Variants in PDZRN4 observed in about 807,000 individuals in gnomAD.
PDZRN4 encodes the protein PDZ domain-containing RING finger protein 4.
Under a neutral mutation model 99.0 loss-of-function variants are expected in PDZRN4, and 70 were observed. The ratio of observed to expected loss-of-function variants is 0.71; its 90% CI spans 0.58 to 0.86. The LOEUF (loss-of-function observed/expected upper bound fraction) is 0.86, where lower values mean the gene tolerates loss of function less well. Among genes scored for constraint, PDZRN4 ranks in the 40% least tolerant of loss-of-function variants. The probability of loss-of-function intolerance (pLI) is 0.00; values close to 1 mark genes in which losing one functional copy is unlikely to be tolerated. For missense variants in PDZRN4, 1,474 were observed against 1,331.2 expected (o/e 1.11, Z -1.67); for synonymous variants, 551 against 501.6 (o/e 1.10, Z -1.32).
chr12:41,413,744 CTA>C (rs1438920248), intron 3 of PDZRN4, among the ~76,000 whole-genome samples: 2 of 151,948 alleles, frequency 1.3e-5, no homozygotes, highest in African/African-American at 2.4e-5. Flanking sequence ...CAGCAGATAG[CTA>C]TGTCTTGTTT....
chr12:41,436,610 T>G (rs1952631659), intron 3 of PDZRN4, among the ~76,000 whole-genome samples: 1 of 152,208 alleles, frequency 6.6e-6, no homozygotes, highest in Non-Finnish European at 1.5e-5. Flanking sequence ...ACTTCTTAAT[T>G]AGCAGAGGGT....
chr12:41,561,609 C>CTATA (rs3075048), intron 7 of PDZRN4, among the ~76,000 whole-genome samples: 39 of 145,188 alleles, frequency 2.7e-4, no homozygotes, highest in African/African-American at 3.5e-4. Flanking sequence ...TATATAAAGA[C>CTATA]TATATATATA....
chr12:41,268,040 T>C (rs1951290478), intron 3 of PDZRN4, among the ~76,000 whole-genome samples: 2 of 152,190 alleles, frequency 1.3e-5, no homozygotes, highest in Non-Finnish European at 2.9e-5. Context: ...ATTCAACAAA[T>C]ATTTATTAAG....
chr12:41,231,001 A>T (rs1951025076), intron 3 of PDZRN4, among the ~76,000 whole-genome samples: 1 of 152,088 alleles, frequency 6.6e-6, no homozygotes, highest in African/African-American at 2.4e-5. Context: ...AATTCCCATC[A>T]CTTCCCCTGT....
chr12:41,293,048 T>C (rs753399243), intron 3 of PDZRN4, among the ~76,000 whole-genome samples: 4 of 151,070 alleles, frequency 2.6e-5, no homozygotes, highest in Non-Finnish European at 3.0e-5. Context: ...TCACTCTGGG[T>C]AGGCTGGAAG....
chr12:41,274,061 AC>A (rs1219020039), intron 3 of PDZRN4, among the ~76,000 whole-genome samples: 3 of 152,068 alleles, frequency 2.0e-5, no homozygotes, highest in African/African-American at 7.2e-5. Context: ...AGTTCATATA[AC>A]TTTTTAAGTA....
chr12:41,351,527 A>G (rs1951890296), intron 3 of PDZRN4, among the ~76,000 whole-genome samples: 1 of 152,146 alleles, frequency 6.6e-6, no homozygotes, highest in Middle Eastern at 3.4e-3. Flanking sequence ...GAAACTTATA[A>G]TCATGGTGGA....
chr12:41,537,284 T>C (rs1017190248), intron 5 of PDZRN4, among the ~76,000 whole-genome samples: 3 of 152,168 alleles, frequency 2.0e-5, no homozygotes, highest in Non-Finnish European at 4.4e-5. Flanking sequence ...AATGTGTGCA[T>C]TTATGTGGCA....
chr12:41,385,597 T>C lies in PDZRN4; in HGVS notation c.844-120859T>C, dbSNP rs145041082. ...ATAAATTAGTAAATTCCTGGGCACATACACCCTTCCAAGACTGAACAAGGA... is the reference window on the plus strand; with the variant it reads ...ATAAATTAGTAAATTCCTGGGCACACACACCCTTCCAAGACTGAACAAGGA... On this transcript the variant is annotated intron_variant, in intron 3 of 9. Transcript: ENST00000402685. 3.4e-3 allele frequency among the ~76,000 whole-genome samples: 521 copies of C among 152,208 alleles called. 2 individuals carry two copies. Among genetic ancestry groups the C allele is most frequent in the African/African-American group, 0.012 (485 of 41,542 alleles).
Position 41,399,607 on chromosome 12 carries a change from G to T in PDZRN4, c.844-106849G>T, listed in dbSNP as rs181651049. ...AAAAATTAGCTAGGCATGGTGGTGGGTGCCTATAATGCCAGCTACCTGGGA... is the reference window on the plus strand; with the variant it reads ...AAAAATTAGCTAGGCATGGTGGTGGTTGCCTATAATGCCAGCTACCTGGGA... On this transcript the variant is annotated intron_variant, in intron 3 of 9. Transcript: ENST00000402685. Among the ~76,000 whole-genome samples, 27 of 151,992 alleles carry T rather than the reference G, an allele frequency of 1.8e-4. 1 individual carries two copies. The East Asian group carries it at 5.0e-3, about 28-fold the overall frequency.
At chr12:41,317,002 G>A (rs2120964265) in intron 3 of PDZRN4, among the ~76,000 whole-genome samples, 1 of 125,078 alleles carries the variant, frequency 8.0e-6, no homozygotes, top group East Asian at 2.5e-4. Context: ...TTGGGAGTAA[G>A]GGGGTGTTAT....
At chr12:41,275,053 C>A (rs1259040499) in intron 3 of PDZRN4, among the ~76,000 whole-genome samples, 2 of 152,074 alleles carry the variant, frequency 1.3e-5, no homozygotes, top group Non-Finnish European at 2.9e-5. Flanking sequence ...GGGATCAGTG[C>A]TTTAGACTAA....
chr12:41,220,809 G>A (rs997211774), intron 3 of PDZRN4, among the ~76,000 whole-genome samples: 9 of 152,302 alleles, frequency 5.9e-5, no homozygotes, highest in Non-Finnish European at 1.0e-4. Flanking sequence ...TCTTAACCTT[G>A]ACACTAGTTA....
chr12:41,188,594 G>A lies in PDZRN4; in HGVS notation c.139G>A (p.Val47Met), dbSNP rs1262384973. ...FCASCLLPWA[V>M]RRRRCPLQCQ... ...CGCCAGCTGCCTGTTGCCCTGGGCG[G>A]TGCGGAGGCGCCGGTGCCCGCTGCA... Residue 47 changes from valine to methionine, a missense_variant, in exon 1 of 10, where the codon GTG becomes ATG. Coordinates refer to ENST00000402685, the MANE Select transcript of PDZRN4 (RefSeq NM_001164595.2). 6.5e-7 allele frequency: 1 copy of A among 1,541,254 alleles called. No homozygotes were observed. The highest frequency in any genetic ancestry group is 8.7e-7 in the Non-Finnish European group (1 of 1,150,300).
chr12:41,573,031 C>T lies in PDZRN4; in HGVS notation c.2252C>T (p.Thr751Ile). 1.9e-6 allele frequency: 3 copies of T among 1,614,154 alleles called. No individual in the cohort carries two copies. The highest frequency in any genetic ancestry group is 1.3e-5 in the African/African-American group (1 of 75,046). ...GAGAGCTGCAGAAGTACTCCGCTCACTGTAGACCGTTCCCCTGACAGTTCC... is the reference window on the plus strand; with the variant it reads ...GAGAGCTGCAGAAGTACTCCGCTCATTGTAGACCGTTCCCCTGACAGTTCC... ...TAESCRSTPL[T>I]VDRSPDSSLP... is the part of the protein sequence containing the mutation. The change falls in exon 10 of 10, where the codon ACT (threonine) becomes ATT (isoleucine). Residue 751 changes from threonine to isoleucine, a missense_variant. Coordinates refer to ENST00000402685, the MANE Select transcript of PDZRN4 (RefSeq NM_001164595.2).
At chr12:41,360,159 A>C (rs2121056640) in intron 3 of PDZRN4, among the ~76,000 whole-genome samples, 1 of 152,060 alleles carries the variant, frequency 6.6e-6, no homozygotes, top group South Asian at 2.1e-4. Flanking sequence ...ACTCCTCCAT[A>C]ATACCTAGCT....
At chr12:41,246,409 G>A (rs1193379504) in intron 3 of PDZRN4, among the ~76,000 whole-genome samples, 1 of 152,184 alleles carries the variant, frequency 6.6e-6, no homozygotes, top group African/African-American at 2.4e-5. Context: ...AACAGATTAT[G>A]CTGTGTGGAT....
chr12:41,467,295 A>G (rs1952936649), intron 3 of PDZRN4, among the ~76,000 whole-genome samples: 1 of 152,192 alleles, frequency 6.6e-6, no homozygotes, highest in African/African-American at 2.4e-5. Context: ...GGTCTGAAAA[A>G]CTAATGAGAA....
At chr12:41,326,373 G>T (rs1184830517) in intron 3 of PDZRN4, among the ~76,000 whole-genome samples, 1 of 152,094 alleles carries the variant, frequency 6.6e-6, no homozygotes, top group Non-Finnish European at 1.5e-5. Flanking sequence ...GGTGGACTTT[G>T]ATTGTTTCTA....
Sources: allele counts gnomAD v4.1 joint callset (sites outside exome capture counted in the v4.1 genomes callset), GRCh38; gene constraint gnomAD v4.1.1; transcripts MANE v1.5; gene names NCBI Gene and HGNC (gene_info 2026-07-23, HGNC 2026-07-21).